SFSWAP: variants seen among roughly 807,000 people sequenced by gnomAD.
The protein encoded by SFSWAP is splicing factor, suppressor of white-apricot homolog.
Under a neutral mutation model 100.7 loss-of-function variants are expected in SFSWAP, and 17 were observed. That is an observed-to-expected ratio of 0.17 (90% CI 0.12 to 0.25). SFSWAP has a LOEUF of 0.25. Among genes scored for constraint, SFSWAP ranks in the 10% least tolerant of loss-of-function variants. The pLI is 1.00. For synonymous variants in SFSWAP, 504 were observed against 510.1 expected (o/e 0.99, Z 0.16); for missense variants, 1,005 against 1,262.6 (o/e 0.80, Z 3.09).
rs569815043 is a variant in SFSWAP at position 131,711,120 on chromosome 12, A to C, written c.-110A>C. 82 of 843,666 alleles carry C rather than the reference A, an allele frequency of 9.7e-5. No individual in the cohort carries two copies. Among genetic ancestry groups the C allele is most frequent in the Admixed American group, 2.0e-4 (7 of 34,244 alleles). The allele number at this position is 843,666 out of a possible 1,614,324, so 52.3% of individuals were successfully genotyped here. ...GTGGCCCGCTATGGCGGCGGTGTTG[A>C]GGTTGGGTACGGGATGCGGGGTCTT... On this transcript the variant is annotated 5_prime_UTR_variant, in exon 1 of 18. Coordinates refer to ENST00000261674, the MANE Select transcript of SFSWAP (RefSeq NM_004592.4). This position sits in a 1 kb window ranked among gnomAD's most constrained non-coding sequence, Gnocchi z 4.9.
intron 16 of SFSWAP, 115 bp downstream of exon 16, chr12:131,797,475 C>G: frequency 1.0e-6 from 1 of 1,001,536 alleles, no homozygotes; most frequent in Non-Finnish European, 1.4e-6. Context: ...CCAGGGGGCG[C>G]CAGCCACAAA....
intron 16 of SFSWAP, among the ~76,000 whole-genome samples, chr12:131,798,353 C>A (rs1017864863): frequency 3.9e-5 from 6 of 152,034 alleles, no homozygotes; most frequent in African/African-American, 1.4e-4. Flanking sequence ...GGCTGAGCAT[C>A]GCTGCGGGGA....
At chr12:131,723,824 T>C (rs1197157935) in intron 4 of SFSWAP, among the ~76,000 whole-genome samples, 1 of 152,256 alleles carries the variant, frequency 6.6e-6, no homozygotes, top group Non-Finnish European at 1.5e-5. Context: ...GAGGAGGTGT[T>C]AGCCCCCTTC....
In SFSWAP at chr12:131,773,748, T is replaced by C. The variant is rs371977793; in HGVS notation, c.2143-4317T>C. 2.5e-4 allele frequency among the ~76,000 whole-genome samples: 38 copies of C among 152,370 alleles called. No homozygotes were observed. In the East Asian group the frequency reaches 6.9e-3, roughly 28 times the overall value. ...GCCTGTGTTTGCTGAATCTCTGCTG[T>C]GTGCTAGGTGCTGAGGTGCTTTGGG... On this transcript the variant is annotated intron_variant, in intron 13 of 17. Transcript: ENST00000261674.
At chr12:131,758,691 A>C (rs1293128395) in intron 11 of SFSWAP, among the ~76,000 whole-genome samples, 1 of 152,224 alleles carries the variant, frequency 6.6e-6, no homozygotes, top group Non-Finnish European at 1.5e-5. Flanking sequence ...TCACGCCCAT[A>C]ATGCCAGCAC....
At position 131,786,550 on chromosome 12, in the gene SFSWAP, C is replaced by T; in HGVS notation, c.2496C>T (p.Ser832=). 6.3e-7 allele frequency: 1 copy of T among 1,588,060 alleles called. No individual in the cohort carries two copies. The change falls in exon 15 of 18, where the codon AGC becomes AGT. Residue 832 remains serine, a synonymous_variant. Transcript: ENST00000261674. The stretch of plus-strand genomic sequence containing the variant: ...GTGTGCCCACTGCCTACCGCGTGAG[C>T]CGCAGCCCTGGGGCCAGTAGGAAGC... ...ERSVPTAYRV[S]RSPGASRKRT...
chr12:131,720,952 A>G (rs1396023229), intron 4 of SFSWAP, among the ~76,000 whole-genome samples: 2 of 152,216 alleles, frequency 1.3e-5, no homozygotes, highest in Non-Finnish European at 2.9e-5. Context: ...TAATTGGCTC[A>G]CGATTCTGCA....
chr12:131,797,280 C>G lies in SFSWAP; in HGVS notation c.2637C>G (p.Pro879=), dbSNP rs140589847. ...VSPSKQAAPR[P]AAPAAHSAHS... Reference sequence around the variant, plus strand: ...CCAGCAAGCAGGCAGCGCCCCGGCCCGCGGCCCCCGCGGCCCACTCGGCGC... The same window carrying G: ...CCAGCAAGCAGGCAGCGCCCCGGCCGGCGGCCCCCGCGGCCCACTCGGCGC... The change falls in exon 16 of 18, where the codon CCC becomes CCG. Residue 879 remains proline (P), a synonymous_variant. Transcript: ENST00000261674. The G allele has an allele frequency of 1.2e-6, 2 of 1,611,270 alleles. No individual in the cohort carries two copies. Among genetic ancestry groups the G allele is most frequent in the Non-Finnish European group, 1.7e-6 (2 of 1,178,958 alleles).
At chr12:131,754,575 G>C in intron 9 of SFSWAP, 76 bp downstream of exon 9, 1 of 1,011,632 alleles carries the variant, frequency 9.9e-7, no homozygotes, top group Non-Finnish European at 1.3e-6. Context: ...AAAAATGTAG[G>C]TACAGAATTA....
chr12:131,786,038 C>T (rs1367085412), intron 14 of SFSWAP: 2 of 156,436 alleles, frequency 1.3e-5, no homozygotes, highest in African/African-American at 4.8e-5. Context: ...CATCAATGAG[C>T]TGAAATGTAT....
intron 13 of SFSWAP, among the ~76,000 whole-genome samples, chr12:131,767,242 C>G (rs1883190842): frequency 6.6e-6 from 1 of 152,278 alleles, no homozygotes; most frequent in African/African-American, 2.4e-5. Flanking sequence ...AAACACATGC[C>G]TTCCGCAGCA....
intron 7 of SFSWAP, among the ~76,000 whole-genome samples, chr12:131,732,418 G>T (rs1405735848): frequency 6.6e-6 from 1 of 152,148 alleles, no homozygotes; most frequent in African/African-American, 2.4e-5. Flanking sequence ...TAAACTCATG[G>T]GCTCTGTCTG....
chr12:131,779,374 TTGA>T (rs1207930012), intron 14 of SFSWAP, among the ~76,000 whole-genome samples: 1 of 151,982 alleles, frequency 6.6e-6, no homozygotes, highest in African/African-American at 2.4e-5. Flanking sequence ...AAAGGCCTTC[TTGA>T]TGAGGAGCCA....
At chr12:131,786,433 G>C in intron 14 of SFSWAP, 30 bp from the exon 15 acceptor site, 1 of 1,575,214 alleles carries the variant, frequency 6.3e-7, no homozygotes, top group Non-Finnish European at 8.6e-7. Context: ...CCAGGCCACA[G>C]AGCTGAACAC....
chr12:131,743,672 G>T (rs2136211664), intron 7 of SFSWAP, among the ~76,000 whole-genome samples: 1 of 152,354 alleles, frequency 6.6e-6, no homozygotes. Context: ...CCATTCTGGG[G>T]TCTGGAGGAT....
intron 15 of SFSWAP, chr12:131,796,578 A>T (rs1885693285): frequency 6.6e-6 from 1 of 152,632 alleles, no homozygotes; most frequent in Non-Finnish European, 1.5e-5. Context: ...GGTCAGGAAG[A>T]AGTGCCACTC....
chr12:131,731,338 T>C (rs552368326), intron 7 of SFSWAP, among the ~76,000 whole-genome samples: 52 of 152,332 alleles, frequency 3.4e-4, no homozygotes, highest in Non-Finnish European at 5.7e-4. Context: ...GCCGTCTTCC[T>C]CTGCTACCCT....
At chr12:131,791,961 T>C (rs1353024770) in intron 15 of SFSWAP, among the ~76,000 whole-genome samples, 4 of 152,230 alleles carry the variant, frequency 2.6e-5, no homozygotes, top group Non-Finnish European at 5.9e-5. Flanking sequence ...TGCACACGTG[T>C]GTGTTCACTG....
At chr12:131,756,889 A>C (rs1167933952) in intron 11 of SFSWAP, 2 of 441,088 alleles carry the variant, frequency 4.5e-6, no homozygotes, top group Non-Finnish European at 8.0e-6. Flanking sequence ...TGTTCAGTGT[A>C]CTGGACATTT....
Sources: allele counts gnomAD v4.1 joint callset (sites outside exome capture counted in the v4.1 genomes callset), GRCh38; gene constraint gnomAD v4.1.1; non-coding constraint Gnocchi (gnomAD v3.1); transcripts MANE v1.5; gene names NCBI Gene and HGNC (gene_info 2026-07-23, HGNC 2026-07-21).